The following CHST9 variants were observed in gnomAD, a reference collection of about 807,000 sequenced individuals.
CHST9 encodes the protein carbohydrate sulfotransferase 9.
In CHST9, 41 loss-of-function variants were observed where a neutral mutation model predicts 44.4. The observed-to-expected ratio is 0.92, with a 90% CI of 0.72 to 1.20. The LOEUF (loss-of-function observed/expected upper bound fraction) is 1.20, where lower values mean the gene tolerates loss of function less well. Ranked by LOEUF, CHST9 falls within the 50% of genes most tolerant of loss-of-function variation. The pLI is 0.00. For missense variants in CHST9, 504 were observed against 516.5 expected, an observed-to-expected ratio of 0.98 and a Z score of 0.23; for synonymous variants, 171 against 178.4, an observed-to-expected ratio of 0.96 and a Z score of 0.33.
At chr18:27,141,985 C>T (rs1198417995) in intron 2 of CHST9, among the ~76,000 whole-genome samples, 1 of 152,088 alleles carries the variant, frequency 6.6e-6, no homozygotes, top group Non-Finnish European at 1.5e-5. Flanking sequence ...CTCCAATGGG[C>T]AGCAATTGCA....
intron 4 of CHST9, 82 bp downstream of exon 4, chr18:27,024,034 T>C (rs1209412192): frequency 7.4e-7 from 1 of 1,347,268 alleles, no homozygotes; most frequent in Non-Finnish European, 1.1e-6. Flanking sequence ...AAAGCCACAC[T>C]CTGAGGTTTT....
intron 4 of CHST9, among the ~76,000 whole-genome samples, chr18:26,975,725 GTATATATATATATATATATA>G (rs59671204): frequency 4.5e-4 from 46 of 101,842 alleles, no homozygotes; most frequent in African/African-American, 5.9e-4. Context: ...GTGTGTGTGT[GTATATATATATATATATATA>G]TATATATATA....
At chr18:27,034,230 T>C (rs1172369052) in intron 3 of CHST9, among the ~76,000 whole-genome samples, 1 of 152,244 alleles carries the variant, frequency 6.6e-6, no homozygotes, top group Non-Finnish European at 1.5e-5. Flanking sequence ...AGCTTAAATC[T>C]GGAGTCATCC....
At chr18:27,087,852 C>T (rs1023175004) in intron 2 of CHST9, among the ~76,000 whole-genome samples, 2 of 152,138 alleles carry the variant, frequency 1.3e-5, no homozygotes, top group Non-Finnish European at 1.5e-5. Context: ...GAGCTTCTCC[C>T]GTACACTTGT....
At chr18:26,948,640 G>A (rs1421038687) in intron 4 of CHST9, among the ~76,000 whole-genome samples, 1 of 152,208 alleles carries the variant, frequency 6.6e-6, no homozygotes, top group Non-Finnish European at 1.5e-5. Flanking sequence ...AGGACAGCAT[G>A]GTATCTAATA....
chr18:26,972,825 T>C (rs1434180682), intron 4 of CHST9, among the ~76,000 whole-genome samples: 4 of 152,170 alleles, frequency 2.6e-5, no homozygotes, highest in African/African-American at 9.7e-5. Flanking sequence ...CCAGATTTCC[T>C]TTCAAGTGTG....
chr18:27,088,653 A>T (rs574550163), intron 2 of CHST9, among the ~76,000 whole-genome samples: 13 of 152,008 alleles, frequency 8.6e-5, no homozygotes, highest in African/African-American at 3.1e-4. Flanking sequence ...CAGCCTCCCA[A>T]AGTGCTGGGA....
chr18:26,961,002 T>C (rs759624113), intron 4 of CHST9, among the ~76,000 whole-genome samples: 3 of 152,210 alleles, frequency 2.0e-5, no homozygotes, highest in Non-Finnish European at 4.4e-5. Flanking sequence ...GCTTACAACA[T>C]ACCAGCAACA....
intron 2 of CHST9, among the ~76,000 whole-genome samples, chr18:27,114,347 T>C (rs948692184): frequency 1.3e-5 from 2 of 152,232 alleles, no homozygotes; most frequent in Non-Finnish European, 2.9e-5. Context: ...CTCTGAGGAT[T>C]CTATGAACTT....
At chr18:27,184,496 A>G (rs2058939522) in intron 1 of CHST9, among the ~76,000 whole-genome samples, 1 of 152,052 alleles carries the variant, frequency 6.6e-6, no homozygotes. Context: ...ACCCACTTGG[A>G]GCCCCTCCTC....
chr18:26,938,971 A>G (rs1203929618), intron 5 of CHST9, among the ~76,000 whole-genome samples: 3 of 152,202 alleles, frequency 2.0e-5, no homozygotes, highest in Non-Finnish European at 2.9e-5. Flanking sequence ...TCTAGCTACT[A>G]GAATAAGAAT....
chr18:26,982,288 G>GT (rs1391371974), intron 4 of CHST9, among the ~76,000 whole-genome samples: 2 of 150,466 alleles, frequency 1.3e-5, no homozygotes, highest in Non-Finnish European at 3.0e-5. Flanking sequence ...TCTTAAAACA[G>GT]TTCTGATTAC....
intron 2 of CHST9, among the ~76,000 whole-genome samples, chr18:27,051,917 G>A (rs556253738): frequency 3.3e-5 from 5 of 152,222 alleles, no homozygotes; most frequent in African/African-American, 1.2e-4. Context: ...TTTTTAAAGT[G>A]GGGATCAGGG....
intron 2 of CHST9, among the ~76,000 whole-genome samples, chr18:27,139,057 C>CA (rs1272271919): frequency 6.6e-6 from 1 of 152,004 alleles, no homozygotes; most frequent in Non-Finnish European, 1.5e-5. Context: ...TCTTTACTTC[C>CA]AAAAAAATCT....
chr18:27,052,075 AT>A (rs1349248860), intron 2 of CHST9, among the ~76,000 whole-genome samples: 6 of 151,824 alleles, frequency 4.0e-5, no homozygotes, highest in Non-Finnish European at 8.8e-5. Context: ...ACCTCAAATA[AT>A]TTTTTTTATG....
At chr18:27,122,696 A>G (rs1219621858) in intron 2 of CHST9, among the ~76,000 whole-genome samples, 1 of 152,190 alleles carries the variant, frequency 6.6e-6, no homozygotes, top group Non-Finnish European at 1.5e-5. Flanking sequence ...GGCAAATTTG[A>G]TGCATGTGGA....
intron 5 of CHST9, among the ~76,000 whole-genome samples, chr18:26,939,262 T>G (rs1166500339): frequency 6.6e-6 from 1 of 152,144 alleles, no homozygotes; most frequent in Non-Finnish European, 1.5e-5. Flanking sequence ...AGTATTTGAG[T>G]TAGGTCTTAT....
intron 2 of CHST9, among the ~76,000 whole-genome samples, chr18:27,050,441 T>C (rs1012591925): frequency 3.3e-5 from 5 of 152,176 alleles, no homozygotes; most frequent in East Asian, 1.9e-4. Flanking sequence ...CAGCTGGAGC[T>C]AGTTACTGAG....
intron 4 of CHST9, among the ~76,000 whole-genome samples, chr18:26,946,899 C>T (rs2056172022): frequency 6.8e-6 from 1 of 148,050 alleles, no homozygotes; most frequent in South Asian, 2.1e-4. Flanking sequence ...GTACCAGTAC[C>T]ATCCTGTTTT....
Sources: gnomAD v4.1 joint callset for allele counts (sites outside exome capture counted in the v4.1 genomes callset) on GRCh38, gnomAD v4.1.1 for gene constraint, MANE v1.5 for transcripts, NCBI Gene and HGNC (gene_info 2026-07-23, HGNC 2026-07-21) for gene names.